TG: variants seen among roughly 807,000 people sequenced by gnomAD.
TG encodes thyroglobulin.
TG carries 270 observed loss-of-function variants against 324.7 expected under a neutral mutation model. The ratio of observed to expected loss-of-function variants is 0.83; its 90% CI spans 0.75 to 0.92. The LOEUF (loss-of-function observed/expected upper bound fraction) is 0.92. Among genes scored for constraint, TG ranks in the 40% least tolerant of loss-of-function variants. TG has a pLI of 0.00. For synonymous variants in TG, 1,401 were observed against 1,327.0 expected (o/e 1.06, Z -1.21); for missense variants, 3,591 against 3,456.4 (o/e 1.04, Z -0.98).
At chr8:133,076,621 A>T (rs926862723) in intron 41 of TG, 1 of 152,210 alleles carries the variant, frequency 6.6e-6, no homozygotes, top group Non-Finnish European at 1.5e-5. Context: ...AGTCAGAGGT[A>T]TGAGTTTTGT....
At chr8:132,947,309 T>C (rs1825460986) in intron 26 of TG, among the ~76,000 whole-genome samples, 1 of 152,162 alleles carries the variant, frequency 6.6e-6, no homozygotes, top group Admixed American at 6.5e-5. Context: ...GGTTGATACC[T>C]AGAAATGAGC....
chr8:132,930,418 C>CAGGGCGTG (rs1822531488), intron 23 of TG, among the ~76,000 whole-genome samples: 1 of 152,182 alleles, frequency 6.6e-6, no homozygotes, highest in Non-Finnish European at 1.5e-5. Flanking sequence ...TGGTAGCTCA[C>CAGGGCGTG]GCCTCTAATC....
At chr8:133,045,689 C>T (rs965685925) in intron 41 of TG, among the ~76,000 whole-genome samples, 2 of 152,308 alleles carry the variant, frequency 1.3e-5, no homozygotes, top group Admixed American at 6.5e-5. Context: ...GCTACCATGC[C>T]GGGCCTCATC....
At chr8:133,067,586 G>A (rs1843206893) in intron 41 of TG, among the ~76,000 whole-genome samples, 1 of 152,030 alleles carries the variant, frequency 6.6e-6, no homozygotes, top group Admixed American at 6.6e-5. Flanking sequence ...GACCAACCTG[G>A]CCAACGTTGT....
At chr8:133,111,956 G>A (rs963302087) in intron 43 of TG, among the ~76,000 whole-genome samples, 10 of 152,216 alleles carry the variant, frequency 6.6e-5, no homozygotes, top group African/African-American at 7.2e-5. Context: ...TCGTTCAGCC[G>A]GGTGGAGAGT....
intron 41 of TG, chr8:133,060,479 G>A (rs1842213442): frequency 7.3e-6 from 7 of 956,678 alleles, no homozygotes; most frequent in Non-Finnish European, 8.9e-6. Flanking sequence ...TGCTGAGGAT[G>A]GTAAGCAGCC....
chr8:132,979,966 G>A (rs10093801), intron 34 of TG, among the ~76,000 whole-genome samples: 26,009 of 151,880 alleles, frequency 0.17, 2,743 homozygotes, highest in Middle Eastern at 0.32. Flanking sequence ...CCTCCTTGGG[G>A]TCAATAATTT....
At chr8:132,874,690 C>A (rs1839798384) in intron 5 of TG, among the ~76,000 whole-genome samples, 4 of 152,154 alleles carry the variant, frequency 2.6e-5, no homozygotes, top group Admixed American at 2.0e-4. Flanking sequence ...AAACTGGAAA[C>A]TTTTATTAGG....
intron 34 of TG, among the ~76,000 whole-genome samples, chr8:132,981,528 T>C (rs1830844030): frequency 6.6e-6 from 1 of 152,210 alleles, no homozygotes; most frequent in Non-Finnish European, 1.5e-5. Flanking sequence ...GGGTGACAAG[T>C]ATCAAGCTGG....
At chr8:133,080,371 C>T (rs1196016847) in intron 41 of TG, among the ~76,000 whole-genome samples, 4 of 152,146 alleles carry the variant, frequency 2.6e-5, no homozygotes, top group Non-Finnish European at 4.4e-5. Context: ...TAGTTGCCTC[C>T]AGTCACTCAG....
chr8:133,103,333 A>G (rs921941986), intron 43 of TG, among the ~76,000 whole-genome samples: 6 of 152,158 alleles, frequency 3.9e-5, no homozygotes, highest in African/African-American at 1.4e-4. Flanking sequence ...TGTAGGTCTC[A>G]TGGCTCTAGG....
In TG at chr8:132,954,809, G is replaced by T. The variant is rs180670624; in HGVS notation, c.5401+5866G>T. Among the ~76,000 whole-genome samples the T allele has an allele frequency of 2.4e-3, 368 of 152,282 alleles. 2 individuals are homozygous for T. Among genetic ancestry groups the T allele is most frequent in the African/African-American group, 8.1e-3 (338 of 41,558 alleles). On this transcript the variant is annotated intron_variant, in intron 27 of 47. Transcript: ENST00000220616. ...AGGGACTCAAGGGAACTTCCTCAAG[G>T]TTATTCAGCTCACCAGTAGCACAGC...
chr8:132,964,950 G>A, intron 29 of TG: 1 of 702,262 alleles, frequency 1.4e-6, no homozygotes, highest in Non-Finnish European at 2.6e-6. Flanking sequence ...CTGAGAAAAG[G>A]TGTTCCAGGT....
intron 15 of TG, 59 bp downstream of exon 15, chr8:132,900,398 G>A: frequency 6.7e-7 from 1 of 1,497,476 alleles, no homozygotes; most frequent in Non-Finnish European, 9.1e-7. Context: ...ACTGAGCGTG[G>A]AGTCCAAAGA....
At chr8:132,993,371 T>C (rs1832565302) in intron 35 of TG, among the ~76,000 whole-genome samples, 1 of 152,220 alleles carries the variant, frequency 6.6e-6, no homozygotes, top group South Asian at 2.1e-4. Flanking sequence ...TCCTTAAGTA[T>C]GTGACCTTGG....
intron 41 of TG, 50 bp downstream of exon 41, chr8:133,030,073 G>A: frequency 6.2e-7 from 1 of 1,610,348 alleles, no homozygotes; most frequent in Non-Finnish European, 8.5e-7. Flanking sequence ...GCGGCTGGGG[G>A]AGGTGGTTCT....
At chr8:133,130,929 A>C (rs1851896637) in intron 45 of TG, among the ~76,000 whole-genome samples, 1 of 152,164 alleles carries the variant, frequency 6.6e-6, no homozygotes, top group African/African-American at 2.4e-5. Flanking sequence ...AGGAAGAAAG[A>C]GGAGGGGGGC....
At chr8:132,894,856 G>A (rs1373449465) in intron 11 of TG, among the ~76,000 whole-genome samples, 1 of 152,252 alleles carries the variant, frequency 6.6e-6, no homozygotes, top group African/African-American at 2.4e-5. Flanking sequence ...AGCTCCAGGA[G>A]AATGATGGTA....
At chr8:132,907,362 G>T (rs1381925296) in intron 17 of TG, among the ~76,000 whole-genome samples, 1 of 152,288 alleles carries the variant, frequency 6.6e-6, no homozygotes, top group Middle Eastern at 3.4e-3. Context: ...GGAGGCCCTG[G>T]ACTCTGCTCC....
Sources: allele counts gnomAD v4.1 joint callset (sites outside exome capture counted in the v4.1 genomes callset), GRCh38; gene constraint gnomAD v4.1.1; transcripts MANE v1.5; gene names NCBI Gene and HGNC (gene_info 2026-07-23, HGNC 2026-07-21).